The following ICA1 variants were observed in gnomAD, a reference collection of about 807,000 sequenced individuals.
The protein encoded by ICA1 is 69 kDa islet cell autoantigen.
A neutral mutation model predicts 71.0 loss-of-function variants in ICA1; 40 were observed. The ratio of observed to expected loss-of-function variants is 0.56; its 90% CI spans 0.44 to 0.73. ICA1 has a LOEUF of 0.73. Ranked by LOEUF, ICA1 falls within the 30% of genes least tolerant of loss-of-function variation. ICA1 has a pLI of 0.00. For synonymous variants in ICA1, 207 were observed against 209.5 expected, an observed-to-expected ratio of 0.99 and a Z score of 0.10; for missense variants, 578 against 576.5, an observed-to-expected ratio of 1.00 and a Z score of -0.03.
intron 13 of ICA1, 28 bp downstream of exon 13, chr7:8,127,845 A>C: frequency 6.4e-7 from 1 of 1,555,578 alleles, no homozygotes; most frequent in East Asian, 2.3e-5. Flanking sequence ...CAAACAAAAA[A>C]CCCCATTTCA....
intron 1 of ICA1, among the ~76,000 whole-genome samples, chr7:8,242,572 G>A (rs1321294439): frequency 6.6e-6 from 1 of 152,078 alleles, no homozygotes; most frequent in Admixed American, 6.6e-5. Context: ...GATCAGAGCA[G>A]AACTGAAGGA....
At chr7:8,182,055 T>C (rs147125763) in intron 6 of ICA1, among the ~76,000 whole-genome samples, 1,855 of 152,258 alleles carry the variant, frequency 0.012, 11 homozygotes, top group Middle Eastern at 0.017. Flanking sequence ...TCCTTGACTA[T>C]GCCATTTCTT....
intron 4 of ICA1, chr7:8,227,889 C>T (rs1189521675): frequency 4.5e-6 from 2 of 442,822 alleles, no homozygotes; most frequent in Admixed American, 2.5e-5. Flanking sequence ...CCCAGCCTAC[C>T]AAAATGATTG....
intron 10 of ICA1, 67 bp from the exon 11 acceptor site, chr7:8,139,114 C>T (rs1794357429): frequency 1.6e-6 from 2 of 1,261,738 alleles, no homozygotes; most frequent in African/African-American, 1.5e-5. Flanking sequence ...TACGCTATTG[C>T]AGTGTAAGGT....
At chr7:8,211,326 T>A (rs746381386) in intron 6 of ICA1, among the ~76,000 whole-genome samples, 9 of 152,344 alleles carry the variant, frequency 5.9e-5, no homozygotes, top group Non-Finnish European at 1.3e-4. Flanking sequence ...CTGTGACTCA[T>A]GCCCTCTAAA....
chr7:8,224,299 T>G (rs1201845833), intron 4 of ICA1, among the ~76,000 whole-genome samples: 4 of 152,050 alleles, frequency 2.6e-5, no homozygotes, highest in East Asian at 1.9e-4. Context: ...GAACACCCAG[T>G]GCAAAAGGCC....
At chr7:8,216,058 C>T (rs1392846328) in intron 6 of ICA1, among the ~76,000 whole-genome samples, 2 of 152,228 alleles carry the variant, frequency 1.3e-5, no homozygotes, top group African/African-American at 2.4e-5. Flanking sequence ...GCAAGCCTCA[C>T]ATTAATAACG....
At chr7:8,244,510 T>C (rs1445288556) in intron 1 of ICA1, among the ~76,000 whole-genome samples, 1 of 152,150 alleles carries the variant, frequency 6.6e-6, no homozygotes, top group African/African-American at 2.4e-5. Context: ...AAGGACTTCA[T>C]GACTAAAACA....
Position 8,234,940 on chromosome 7 carries a change from C to G in ICA1, c.17+970G>C, listed in dbSNP as rs1254184749. On this transcript the variant is annotated intron_variant, in intron 2 of 13. Coordinates refer to ENST00000402384, the MANE Select transcript of ICA1 (RefSeq NM_001136020.3). The surrounding 1 kb of genome is among the most constrained non-coding windows in gnomAD (Gnocchi z 4.5). The stretch of plus-strand genomic sequence containing the variant: ...CAGCACTTTGGGAGGCTGAGGTGGG[C>G]AGATCATGAGGTCAAGAGATCGAGA... Among the ~76,000 whole-genome samples the G allele has an allele frequency of 6.6e-6, 1 of 151,800 alleles. No individual in the cohort carries two copies. The highest frequency in any genetic ancestry group is 2.4e-5 in the African/African-American group (1 of 41,328).
intron 6 of ICA1, among the ~76,000 whole-genome samples, chr7:8,194,276 T>C (rs1397363642): frequency 6.6e-6 from 1 of 152,182 alleles, no homozygotes; most frequent in Non-Finnish European, 1.5e-5. Context: ...GCGGTGGGGT[T>C]GGAGAGACCA....
intron 13 of ICA1, among the ~76,000 whole-genome samples, chr7:8,125,780 G>T (rs1220421041): frequency 2.0e-5 from 3 of 152,192 alleles, no homozygotes; most frequent in Admixed American, 2.0e-4. Flanking sequence ...GTGCTAGTAG[G>T]ATGGCAACCT....
rs1800901128 is a variant in ICA1, at chr7:8,154,720, C to CT, written c.804+2395dup. Among the ~76,000 whole-genome samples, 6 of 152,208 alleles carry CT rather than the reference C, an allele frequency of 3.9e-5. No homozygotes were observed. The South Asian group carries it at 1.2e-3, about 32-fold the overall frequency. Reference sequence around the variant, plus strand: ...AAAGATGACTTGATAAAATACAAATCTTATAAACACAGGACATGTATTAAA... The same window carrying CT: ...AAAGATGACTTGATAAAATACAAATCTTTATAAACACAGGACATGTATTAAA... On this transcript the variant is annotated intron_variant, in intron 8 of 13. Transcript: ENST00000402384.
intron 12 of ICA1, among the ~76,000 whole-genome samples, chr7:8,129,970 T>C (rs955946768): frequency 7.3e-5 from 11 of 150,880 alleles, no homozygotes; most frequent in Admixed American, 2.0e-4. Flanking sequence ...TTTTTGTCCT[T>C]GGCGATAGTT....
rs535303972 is a variant in ICA1 at position 8,204,039 on chromosome 7, G to A, written c.579+14266C>T. 3.0e-4 allele frequency among the ~76,000 whole-genome samples: 45 copies of A among 151,578 alleles called. No individual in the cohort carries two copies. In the South Asian group the frequency reaches 8.1e-3, roughly 27 times the overall value. ...GCCAAACCCAGAAATGTGACTGGAT[G>A]TTCAAGAGACAGAGAGATTGGTGAG... On this transcript the variant is annotated intron_variant, in intron 6 of 13. Transcript: ENST00000402384.
chr7:8,236,688 C>G (rs1361702404), intron 1 of ICA1: 1 of 152,216 alleles, frequency 6.6e-6, no homozygotes, highest in Non-Finnish European at 1.5e-5. Context: ...CCAGCCTAGC[C>G]TTGTATATTT....
In ICA1 at chr7:8,221,455, G is replaced by A. The variant is rs977792858; in HGVS notation, c.257-57C>T. ...ACAATGAGCATTTTGATTGCAAAGG[G>A]AACAAGAAAGACAAATCACAAGGTC... On this transcript the variant is annotated intron_variant, in intron 4 of 13. Transcript: ENST00000402384. The A allele has an allele frequency of 7.6e-6, 12 of 1,582,522 alleles. No individual in the cohort carries two copies. In the Middle Eastern group the frequency reaches 5.0e-4, roughly 66 times the overall value.
At chr7:8,182,207 C>T (rs1056386971) in intron 6 of ICA1, among the ~76,000 whole-genome samples, 1 of 152,124 alleles carries the variant, frequency 6.6e-6, no homozygotes, top group Admixed American at 6.6e-5. Context: ...AGAAGCCTAT[C>T]TGGACCCACT....
intron 9 of ICA1, chr7:8,142,160 C>G: frequency 8.0e-6 from 4 of 498,650 alleles, no homozygotes; most frequent in Non-Finnish European, 1.3e-5. Context: ...AATCAGAATC[C>G]ATTTCTTCTG....
intron 13 of ICA1, among the ~76,000 whole-genome samples, chr7:8,119,681 A>G (rs1223331429): frequency 2.0e-5 from 3 of 152,290 alleles, no homozygotes; most frequent in East Asian, 3.9e-4. Context: ...CCCTGTCTCT[A>G]CTAAAAAGAC....
Sources: gnomAD v4.1 joint callset for allele counts (sites outside exome capture counted in the v4.1 genomes callset) on GRCh38, gnomAD v4.1.1 for gene constraint, Gnocchi (gnomAD v3.1) non-coding constraint, MANE v1.5 for transcripts, NCBI Gene and HGNC (gene_info 2026-07-23, HGNC 2026-07-21) for gene names.